The following DNAH14 variants were observed in gnomAD, a reference collection of about 807,000 sequenced individuals.
DNAH14 encodes dynein axonemal heavy chain 14.
Under a neutral mutation model 520.9 loss-of-function variants are expected in DNAH14, and 478 were observed. That is an observed-to-expected ratio of 0.92 (90% CI 0.85 to 0.99). DNAH14 has a LOEUF of 0.99. Among genes scored for constraint, DNAH14 ranks in the 50% least tolerant of loss-of-function variants. The pLI is 0.00. For missense variants in DNAH14, 4,831 were observed against 5,234.5 expected, an observed-to-expected ratio of 0.92 and a Z score of 2.38; for synonymous variants, 1,581 against 1,757.2, an observed-to-expected ratio of 0.90 and a Z score of 2.51.
intron 41 of DNAH14, among the ~76,000 whole-genome samples, chr1:225,221,184 C>T (rs1370498494): frequency 6.6e-6 from 1 of 152,130 alleles, no homozygotes; most frequent in Non-Finnish European, 1.5e-5. Flanking sequence ...AAACGTCAGA[C>T]CTAAAAAACA....
At chr1:225,324,692 A>T (rs2094619457) in intron 63 of DNAH14, 45 bp from the exon 64 acceptor site, 1 of 1,477,538 alleles carries the variant, frequency 6.8e-7, no homozygotes, top group African/African-American at 1.4e-5. Context: ...TTTAACAGTA[A>T]ACCCGACGTT....
intron 8 of DNAH14, 41 bp downstream of exon 8, chr1:224,974,194 G>T: frequency 2.2e-6 from 3 of 1,346,718 alleles, no homozygotes; most frequent in South Asian, 1.6e-5. Flanking sequence ...TCAAAAGGAA[G>T]CTGTATGTTT....
intron 8 of DNAH14, among the ~76,000 whole-genome samples, chr1:224,977,815 C>G (rs1473865436): frequency 6.6e-6 from 1 of 152,010 alleles, no homozygotes; most frequent in African/African-American, 2.4e-5. Flanking sequence ...GGGACTCAAA[C>G]AACAGTAAAA....
At chr1:225,335,209 A>ATG (rs1197478141) in intron 66 of DNAH14, among the ~76,000 whole-genome samples, 1 of 139,656 alleles carries the variant, frequency 7.2e-6, no homozygotes, top group Non-Finnish European at 1.6e-5. Flanking sequence ...ACACACGTAC[A>ATG]TGTGTGTATA....
chr1:225,241,005 G>A (rs911506471), intron 43 of DNAH14, among the ~76,000 whole-genome samples, 183 bp downstream of exon 43: 2 of 152,084 alleles, frequency 1.3e-5, no homozygotes, highest in Non-Finnish European at 2.9e-5. Context: ...ATTCCTGTTT[G>A]GTTTTAGGTG....
intron 46 of DNAH14, among the ~76,000 whole-genome samples, chr1:225,263,544 T>C (rs115536268): frequency 0.011 from 1,699 of 152,108 alleles, 13 homozygotes; most frequent in Non-Finnish European, 0.017. Context: ...TCTTCACATA[T>C]ATCTTGATTT....
At chr1:224,991,531 A>C (rs1371343826) in intron 8 of DNAH14, among the ~76,000 whole-genome samples, 1 of 151,946 alleles carries the variant, frequency 6.6e-6, no homozygotes, top group Non-Finnish European at 1.5e-5. Flanking sequence ...GCTGGAGTGC[A>C]GTGGTGTGAT....
chr1:225,015,625 C>T (rs575283328), intron 10 of DNAH14, among the ~76,000 whole-genome samples: 1 of 152,254 alleles, frequency 6.6e-6, no homozygotes, highest in Admixed American at 6.5e-5. Flanking sequence ...CACACAATAC[C>T]TTTAAGGGTA....
In DNAH14 at chr1:225,290,641, GTGTGTGTATATATATATATATATA is replaced by G. The variant is rs1376563634; in HGVS notation, c.8469+561_8469+584del. 2.5e-3 allele frequency among the ~76,000 whole-genome samples: 229 copies of G among 91,246 alleles called. 13 individuals carry two copies. The highest frequency in any genetic ancestry group is 6.4e-3 in the African/African-American group (159 of 24,836). The allele number at this position is 91,246 out of a possible 152,430, so 59.9% of individuals were successfully genotyped here. Reference sequence around the variant, plus strand: ...TGTGTGTATAGATATATGTGTGTGTGTGTGTGTATATATATATATATATATATATATATATATATATATATATAT... The same window carrying G: ...TGTGTGTATAGATATATGTGTGTGTGTATATATATATATATATATATATAT... On this transcript the variant is annotated intron_variant, in intron 55 of 85. Transcript: ENST00000682510.
intron 49 of DNAH14, among the ~76,000 whole-genome samples, chr1:225,268,507 C>T (rs942939436): frequency 5.9e-5 from 9 of 152,064 alleles, no homozygotes; most frequent in East Asian, 1.9e-4. Context: ...GTAAATAAAG[C>T]GTATTAAATT....
chr1:225,308,439 A>C (rs957078505), intron 60 of DNAH14, 29 bp downstream of exon 60: 2 of 1,503,546 alleles, frequency 1.3e-6, no homozygotes, highest in African/African-American at 2.9e-5. Context: ...CAATAAAAAT[A>C]ATTTGGAGAT....
intron 10 of DNAH14, among the ~76,000 whole-genome samples, chr1:225,010,005 T>C (rs2449281): frequency 0.74 from 112,121 of 152,060 alleles, 44,242 homozygotes; most frequent in Non-Finnish European, 0.88. Context: ...ACTGAAATGA[T>C]GGGGTTTTCT....
At chr1:225,121,482 A>G (rs2077279234) in intron 26 of DNAH14, among the ~76,000 whole-genome samples, 2 of 152,196 alleles carry the variant, frequency 1.3e-5, no homozygotes, top group African/African-American at 2.4e-5. Flanking sequence ...TAGATTCTCC[A>G]TATAAATGAG....
At chr1:225,393,762 AGT>A (rs912032000) in intron 84 of DNAH14, among the ~76,000 whole-genome samples, 7 of 151,618 alleles carry the variant, frequency 4.6e-5, no homozygotes, top group South Asian at 2.1e-4. Flanking sequence ...CGGTATTTTT[AGT>A]GTTTTAGTTT....
chr1:224,941,745 G>C (rs2125403844), intron 1 of DNAH14, among the ~76,000 whole-genome samples: 1 of 152,218 alleles, frequency 6.6e-6, no homozygotes, highest in East Asian at 1.9e-4. Context: ...AGTTTTCCCA[G>C]CACCATTTAT....
rs56819089 is a variant in DNAH14, at chr1:225,036,610, AC to A, written c.1359-2082del. Reference sequence around the variant, plus strand: ...GCTTTTAGGTTCCCTATCTTAGTGCACCTGAAGGGAAAGGAATATGCTTATT... The same window carrying A: ...GCTTTTAGGTTCCCTATCTTAGTGCACTGAAGGGAAAGGAATATGCTTATT... On this transcript the variant is annotated intron_variant, in intron 11 of 85. Transcript: ENST00000682510. Among the ~76,000 whole-genome samples the A allele has an allele frequency of 4.7e-3, 718 of 152,174 alleles. 4 individuals are homozygous for A. The highest frequency in any genetic ancestry group is 0.016 in the African/African-American group (674 of 41,524).
chr1:224,987,654 T>G (rs2062734615), intron 8 of DNAH14, among the ~76,000 whole-genome samples: 1 of 151,890 alleles, frequency 6.6e-6, no homozygotes. Flanking sequence ...TGAGATGGAG[T>G]CTTGCACTGT....
In DNAH14 at chr1:225,240,782, C is replaced by A; in HGVS notation, c.6708C>A (p.Asp2236Glu). Residue 2236 changes from aspartate (D) to glutamate (E), a missense_variant, in exon 43 of 86, where the codon GAC becomes GAA. Asp to Glu is a conservative substitution (Grantham distance 45). Coordinates refer to ENST00000682510, the MANE Select transcript of DNAH14 (RefSeq NM_001367479.1). ...DSLAKVTYDF[D>E]KLVHELFGNS... is the part of the protein sequence containing the mutation. ...TTGCAAAAGTAACATACGATTTTGA[C>A]AAACTTGTTCATGAATTATTTGGAA... The A allele has an allele frequency of 3.2e-6, 5 of 1,549,958 alleles. No individual in the cohort carries two copies. Among genetic ancestry groups the A allele is most frequent in the South Asian group, 1.2e-5 (1 of 83,888 alleles).
At chr1:224,935,948 A>G (rs1049607925) in intron 1 of DNAH14, among the ~76,000 whole-genome samples, 1 of 151,888 alleles carries the variant, frequency 6.6e-6, no homozygotes, top group Non-Finnish European at 1.5e-5. Flanking sequence ...ATTTCATTCA[A>G]CATGCCCCTG....
Sources: allele counts gnomAD v4.1 joint callset (sites outside exome capture counted in the v4.1 genomes callset), GRCh38; gene constraint gnomAD v4.1.1; transcripts MANE v1.5; gene names NCBI Gene and HGNC (gene_info 2026-07-23, HGNC 2026-07-21).